Variants in DEFB135 observed in about 807,000 individuals in gnomAD.
The protein encoded by DEFB135 is defensin beta 135.
In DEFB135, 14 loss-of-function variants were observed where a neutral mutation model predicts 8.9. The observed-to-expected ratio is 1.58, with a 90% confidence interval of 1.04 to 2.47. DEFB135 has a LOEUF of 2.47. Ranked by LOEUF, DEFB135 falls within the 30% of genes most tolerant of loss-of-function variation. DEFB135 has a pLI of 0.00. For missense variants in DEFB135, 135 were observed against 94.2 expected, an observed-to-expected ratio of 1.43 and a Z score of -1.79; for synonymous variants, 51 against 34.5, an observed-to-expected ratio of 1.48 and a Z score of -1.67.
chr8:11,983,282 C>T (rs572419338), intron 1 of DEFB135, among the ~76,000 whole-genome samples: 3 of 152,166 alleles, frequency 2.0e-5, no homozygotes, highest in South Asian at 2.1e-4. Flanking sequence ...CCCAGCTACT[C>T]GGGAAGCTGA....
intron 1 of DEFB135, among the ~76,000 whole-genome samples, chr8:11,983,147 A>C (rs566470163): frequency 6.6e-6 from 1 of 152,292 alleles, no homozygotes; most frequent in Non-Finnish European, 1.5e-5. Flanking sequence ...CAATCTAAGC[A>C]CTTTGGGAGG....
chr8:11,982,419 T>G, intron 1 of DEFB135, 35 bp downstream of exon 1: 1 of 1,611,084 alleles, frequency 6.2e-7, no homozygotes, highest in Admixed American at 1.7e-5. Flanking sequence ...GAATTAGGAA[T>G]AGTAAAGGGA....
chr8:11,984,406 T>A lies in DEFB135; in HGVS notation c.65-15T>A. The A allele has an allele frequency of 6.6e-7, 1 of 1,510,254 alleles. No homozygotes were observed. The highest frequency in any genetic ancestry group is 2.3e-5 in the East Asian group (1 of 42,902). 93.6% of individuals were successfully genotyped at this position (1,510,254 alleles called of 1,614,324 possible). ...AGGACACTAACTGTGCATTAACCTT[T>A]GTTTCTCTTGGCAGGTAGAAGTGGA... On this transcript the variant is annotated splice_polypyrimidine_tract_variant and intron_variant, in intron 1 of 1. Coordinates refer to ENST00000382208, the MANE Select transcript of DEFB135 (RefSeq NM_001033017.3).
chr8:11,984,468 T>C lies in DEFB135; in HGVS notation c.112T>C (p.Trp38Arg), dbSNP rs749295316. 1 of 1,573,634 alleles carries C rather than the reference T, an allele frequency of 6.4e-7. No individual in the cohort carries two copies. Among genetic ancestry groups the C allele is most frequent in the Non-Finnish European group, 8.7e-7 (1 of 1,151,142 alleles). Residue 38 changes from tryptophan to arginine, a missense_variant, in exon 2 of 2, where the codon TGG (tryptophan) becomes CGG (arginine). Transcript: ENST00000382208. Reference protein sequence around the residue: ...VYIQKIFASCWRLQGTCRPKC... With the variant: ...VYIQKIFASCRRLQGTCRPKC... ...CATACAAAAAATCTTTGCTTCATGT[T>C]GGCGACTGCAAGGTACTTGCCGGCC...
Position 11,982,324 on chromosome 8 carries a change from G to T in DEFB135, c.4G>T (p.Ala2Ser). The change falls in exon 1 of 2, where the codon GCC becomes TCC. Residue 2 changes from alanine (A) to serine (S), a missense_variant. Transcript: ENST00000382208. The stretch of plus-strand genomic sequence containing the variant: ...AGCTGCTTCTTTGCTGATTGGTATG[G>T]CCACAAGGAGCGTCCTCTTGGCCCT... Reference protein sequence around the residue: MATRSVLLALVV... With the variant: MSTRSVLLALVV... The T allele has an allele frequency of 6.2e-7, 1 of 1,614,128 alleles. No homozygotes were observed. The highest frequency in any genetic ancestry group is 8.5e-7 in the Non-Finnish European group (1 of 1,180,032).
In DEFB135 at chr8:11,982,263, C is replaced by G. The variant is rs1014589563; in HGVS notation, c.-58C>G. 2 of 1,599,162 alleles carry G rather than the reference C, an allele frequency of 1.3e-6. No individual in the cohort carries two copies. Among genetic ancestry groups the G allele is most frequent in the Non-Finnish European group, 1.7e-6 (2 of 1,168,192 alleles). On this transcript the variant is annotated 5_prime_UTR_variant, in exon 1 of 2. Coordinates refer to ENST00000382208, the MANE Select transcript of DEFB135 (RefSeq NM_001033017.3). ...CTAGCCATGCAGCTCCCCGTCTCTT[C>G]AAAGCTGCGGAGAGAGTGACTCTCC...
Position 11,982,329 on chromosome 8 carries a change from A to G in DEFB135, c.9A>G (p.Thr3=). Residue 3 remains threonine (T), a synonymous_variant, in exon 1 of 2, where the codon ACA becomes ACG. Transcript: ENST00000382208. Reference sequence around the variant, plus strand: ...CTTCTTTGCTGATTGGTATGGCCACAAGGAGCGTCCTCTTGGCCCTCGTGG... The same window carrying G: ...CTTCTTTGCTGATTGGTATGGCCACGAGGAGCGTCCTCTTGGCCCTCGTGG... The part of the protein sequence containing the change: MA[T]RSVLLALVVL... 1.2e-6 allele frequency: 2 copies of G among 1,614,170 alleles called. No individual in the cohort carries two copies. Among genetic ancestry groups the G allele is most frequent in the Non-Finnish European group, 1.7e-6 (2 of 1,180,028 alleles).
At chr8:11,982,631 T>C (rs940510209) in intron 1 of DEFB135, among the ~76,000 whole-genome samples, 2 of 152,104 alleles carry the variant, frequency 1.3e-5, no homozygotes, top group Non-Finnish European at 2.9e-5. Context: ...CTGGTGAAGT[T>C]TGAGGGGAAG....
chr8:11,983,642 G>T (rs1799786551), intron 1 of DEFB135, among the ~76,000 whole-genome samples: 1 of 152,060 alleles, frequency 6.6e-6, no homozygotes, highest in African/African-American at 2.4e-5. Context: ...GGACTCATGG[G>T]GGCACCTGGG....
Position 11,982,275 on chromosome 8 carries a change from G to C in DEFB135, c.-46G>C. ...CTCCCCGTCTCTTCAAAGCTGCGGAGAGAGTGACTCTCCGATGAGTCACAG... is the reference window on the plus strand; with the variant it reads ...CTCCCCGTCTCTTCAAAGCTGCGGACAGAGTGACTCTCCGATGAGTCACAG... On this transcript the variant is annotated 5_prime_UTR_variant, in exon 1 of 2. Transcript: ENST00000382208. The C allele has an allele frequency of 1.9e-6, 3 of 1,610,540 alleles. No homozygotes were observed. Among genetic ancestry groups the C allele is most frequent in the Non-Finnish European group, 2.5e-6 (3 of 1,177,526 alleles).
chr8:11,983,277 C>T lies in DEFB135; in HGVS notation c.64+893C>T, dbSNP rs114271144. ...GCATGGTGGCGCATGCCTGTCCCAG[C>T]TACTCGGGAAGCTGAGAAAAGAGGA... On this transcript the variant is annotated intron_variant, in intron 1 of 1. Coordinates refer to ENST00000382208, the MANE Select transcript of DEFB135 (RefSeq NM_001033017.3). Among the ~76,000 whole-genome samples, 202 of 152,224 alleles carry T rather than the reference C, an allele frequency of 1.3e-3. 1 individual carries two copies. Among genetic ancestry groups the T allele is most frequent in the African/African-American group, 4.4e-3 (181 of 41,528 alleles).
At chr8:11,984,278 A>G (rs937691037) in intron 1 of DEFB135, 143 bp from the exon 2 acceptor site, 26 of 585,558 alleles carry the variant, frequency 4.4e-5, no homozygotes, top group Non-Finnish European at 6.8e-5. Flanking sequence ...AGGGGCATCC[A>G]GCTATAAAAT....
At chr8:11,982,416 G>C in intron 1 of DEFB135, 32 bp downstream of exon 1, 1 of 1,612,214 alleles carries the variant, frequency 6.2e-7, no homozygotes, top group Non-Finnish European at 8.5e-7. Flanking sequence ...GTAGAATTAG[G>C]AATAGTAAAG....
At chr8:11,983,532 G>C (rs985641477) in intron 1 of DEFB135, among the ~76,000 whole-genome samples, 7 of 152,186 alleles carry the variant, frequency 4.6e-5, no homozygotes, top group African/African-American at 1.7e-4. Context: ...CCCCAGAAAA[G>C]TGCCTGAGGT....
chr8:11,982,370 T>C lies in DEFB135; in HGVS notation c.50T>C (p.Phe17Ser). The C allele has an allele frequency of 6.2e-7, 1 of 1,614,140 alleles. No homozygotes were observed. The highest frequency in any genetic ancestry group is 8.5e-7 in the Non-Finnish European group (1 of 1,180,018). Reference sequence around the variant, plus strand: ...GCCCTCGTGGTCCTTAACTTACTCTTCTATGTTCCACCAGGTAAAATGGAG... The same window carrying C: ...GCCCTCGTGGTCCTTAACTTACTCTCCTATGTTCCACCAGGTAAAATGGAG... ...LLALVVLNLL[F>S]YVPPGRSGPN... The change falls in exon 1 of 2, where the codon TTC (phenylalanine) becomes TCC (serine). Residue 17 changes from phenylalanine to serine, a missense_variant. Coordinates refer to ENST00000382208, the MANE Select transcript of DEFB135 (RefSeq NM_001033017.3).
chr8:11,984,223 G>A (rs1308750108), intron 1 of DEFB135, among the ~76,000 whole-genome samples, 198 bp from the exon 2 acceptor site: 2 of 152,126 alleles, frequency 1.3e-5, no homozygotes, highest in African/African-American at 4.8e-5. Context: ...TTCATATAAT[G>A]GCTTATAATA....
intron 1 of DEFB135, 138 bp downstream of exon 1, chr8:11,982,522 C>G (rs889568306): frequency 3.7e-5 from 32 of 865,810 alleles, no homozygotes; most frequent in Non-Finnish European, 5.3e-5. Context: ...GATGGACATG[C>G]TGGGCTGGTC....
chr8:11,982,898 T>G (rs749394989), intron 1 of DEFB135, among the ~76,000 whole-genome samples: 11 of 152,132 alleles, frequency 7.2e-5, no homozygotes, highest in Non-Finnish European at 1.3e-4. Context: ...AAACATCAGT[T>G]TGAGAGGTCA....
In DEFB135 at chr8:11,984,561, A is replaced by C. The variant is rs1214593482; in HGVS notation, c.205A>C (p.Lys69Gln). The C allele has an allele frequency of 6.5e-7, 1 of 1,538,926 alleles. No homozygotes were observed. The highest frequency in any genetic ancestry group is 8.8e-7 in the Non-Finnish European group (1 of 1,130,338). Residue 69 changes from lysine to glutamine, a missense_variant, in exon 2 of 2, where the codon AAA (lysine) becomes CAA (glutamine). Transcript: ENST00000382208. ...DTIHLCCVNPKYLPILTGK is the reference protein window; with the variant it reads ...DTIHLCCVNPQYLPILTGK ...TATACATTTGTGCTGTGTAAACCCA[A>C]AATATTTACCTATACTGACTGGGAA...
Sources: allele counts gnomAD v4.1 joint callset (sites outside exome capture counted in the v4.1 genomes callset), GRCh38; gene constraint gnomAD v4.1.1; transcripts MANE v1.5; gene names NCBI Gene and HGNC (gene_info 2026-07-23, HGNC 2026-07-21).